RPL3L: variants seen among roughly 807,000 people sequenced by gnomAD.
RPL3L encodes ribosomal protein L3 like, also known as ribosomal protein uL3-like.
RPL3L carries 44 observed loss-of-function variants against 44.5 expected under a neutral mutation model. That is an observed-to-expected ratio of 0.99 (90% CI 0.78 to 1.27). The LOEUF is 1.27. Ranked by LOEUF, RPL3L falls within the 50% of genes most tolerant of loss-of-function variation. RPL3L has a pLI of 0.00. For missense variants in RPL3L, 631 were observed against 569.1 expected, an observed-to-expected ratio of 1.11 and a Z score of -1.11; for synonymous variants, 292 against 230.7, an observed-to-expected ratio of 1.27 and a Z score of -2.41.
intron 4 of RPL3L, 100 bp downstream of exon 4, chr16:1,950,744 C>A: frequency 6.3e-7 from 1 of 1,586,666 alleles, no homozygotes; most frequent in Non-Finnish European, 8.6e-7. Context: ...TGTGCCGAGG[C>A]TCGGGTATTT....
Position 1,953,957 on chromosome 16 carries a change from G to A in RPL3L, c.195C>T (p.Leu65=). The A allele has an allele frequency of 1.3e-6, 2 of 1,518,348 alleles. No homozygotes were observed. Among genetic ancestry groups the A allele is most frequent in the Non-Finnish European group, 1.8e-6 (2 of 1,127,060 alleles). 94.1% of individuals were successfully genotyped at this position (1,518,348 alleles called of 1,614,324 possible). A position where few individuals can be genotyped will look rare whatever the true frequency, so the allele number is the denominator to read the frequency against. The change falls in exon 2 of 10, where the codon CTC becomes CTT. Residue 65 remains leucine (L), a splice_region_variant and synonymous_variant. Transcript: ENST00000268661. ...CCAAGGGTCCCAACTGTGACTCACT[G>A]AGCCCCGGCCGGTGCACCTCCCGCA... is the stretch of plus-strand genomic sequence containing the variant. ...HTLREVHRPG[L]KISKREEVEA...
rs898002881 is a variant in RPL3L at position 1,946,552 on chromosome 16, C to G, written c.951+73G>C. 56 of 1,498,784 alleles carry G rather than the reference C, an allele frequency of 3.7e-5. No individual in the cohort carries two copies. In the African/African-American group the frequency reaches 6.9e-4, roughly 18 times the overall value. 92.8% of individuals were successfully genotyped at this position (1,498,784 alleles called of 1,614,324 possible). A position where few individuals can be genotyped will look rare whatever the true frequency, so the allele number is the denominator to read the frequency against. On this transcript the variant is annotated intron_variant, in intron 7 of 9. Transcript: ENST00000268661. ...CCCCCTACATGTATACCAGGCCCCC[C>G]GGCCAGCCTGACCCCACTCCAGCCA... is the stretch of plus-strand genomic sequence containing the variant.
chr16:1,944,791 G>A lies in RPL3L; in HGVS notation c.*46C>T, dbSNP rs375430746. 1.2e-6 allele frequency: 2 copies of A among 1,612,674 alleles called. No homozygotes were observed. Among genetic ancestry groups the A allele is most frequent in the Non-Finnish European group, 1.7e-6 (2 of 1,178,916 alleles). ...CGCCTCCGGCCTTTGTTAGACATTGGGGCAGACAGTGCGGTGCGCTTCAGG... is the reference window on the plus strand; with the variant it reads ...CGCCTCCGGCCTTTGTTAGACATTGAGGCAGACAGTGCGGTGCGCTTCAGG... On this transcript the variant is annotated 3_prime_UTR_variant, in exon 10 of 10. Coordinates refer to ENST00000268661, the MANE Select transcript of RPL3L (RefSeq NM_005061.3).
chr16:1,952,710 AACAC>A (rs142507470), intron 3 of RPL3L, among the ~76,000 whole-genome samples, 160 bp downstream of exon 3: 9 of 150,688 alleles, frequency 6.0e-5, no homozygotes, highest in East Asian at 1.9e-4. Flanking sequence ...GCAACCACAC[AACAC>A]ACACACACAC....
chr16:1,953,846 G>T, intron 2 of RPL3L, 110 bp downstream of exon 2: 1 of 1,144,864 alleles, frequency 8.7e-7, no homozygotes, highest in South Asian at 2.5e-5. Context: ...GGCGAGGCCT[G>T]GTGCTCCCTG....
chr16:1,945,731 C>T, intron 8 of RPL3L, 104 bp downstream of exon 8: 1 of 1,602,774 alleles, frequency 6.2e-7, no homozygotes, highest in Non-Finnish European at 8.5e-7. Context: ...CCAGAGCCCT[C>T]CCCTTCTGCT....
rs574710501 is a variant in RPL3L, at chr16:1,948,293, G to A, written c.502-913C>T. Among the ~76,000 whole-genome samples the A allele has an allele frequency of 6.8e-4, 103 of 151,980 alleles. 1 individual carries two copies. Among genetic ancestry groups the A allele is most frequent in the Non-Finnish European group, 1.0e-3 (69 of 67,956 alleles). On this transcript the variant is annotated intron_variant, in intron 4 of 9. Transcript: ENST00000268661. ...GACTGGAGTACAGTGGGGCGATCTC[G>A]GCTCACTGCAACCTCTGCCTCCCTG...
chr16:1,948,967 T>C (rs1242448727), intron 4 of RPL3L, among the ~76,000 whole-genome samples: 1 of 150,302 alleles, frequency 6.7e-6, no homozygotes, highest in African/African-American at 2.4e-5. Flanking sequence ...TGCCTCGGCC[T>C]CCCAAAGTGC....
At chr16:1,948,677 G>A (rs559869346) in intron 4 of RPL3L, among the ~76,000 whole-genome samples, 3 of 151,426 alleles carry the variant, frequency 2.0e-5, no homozygotes, top group East Asian at 3.9e-4. Flanking sequence ...TGGGATGACA[G>A]GCACTCACCA....
chr16:1,946,701 T>TGCGG lies in RPL3L; in HGVS notation c.871_874dup (p.His292ProfsTer74). 6.2e-7 allele frequency: 1 copy of TGCGG among 1,612,612 alleles called. No individual in the cohort carries two copies. The highest frequency in any genetic ancestry group is 8.5e-7 in the Non-Finnish European group (1 of 1,179,952). On this transcript the variant is annotated frameshift_variant, in exon 7 of 10. Transcript: ENST00000268661. LOFTEE classifies it high-confidence loss of function. The stretch of plus-strand genomic sequence containing the variant: ...CTTCACCAGCTTCCCGTCCTCCATG[T>TGCGG]GCGGGCCCCTGCCGATGCGGAAGAT...
At chr16:1,946,870 C>A in intron 6 of RPL3L, 68 bp downstream of exon 6, 1 of 1,562,006 alleles carries the variant, frequency 6.4e-7, no homozygotes, top group Non-Finnish European at 8.7e-7. Context: ...GCACCCCACC[C>A]ACTGAGGCCA....
At chr16:1,952,100 C>T (rs1033701609) in intron 3 of RPL3L, among the ~76,000 whole-genome samples, 3 of 151,808 alleles carry the variant, frequency 2.0e-5, no homozygotes, top group African/African-American at 7.3e-5. Context: ...AGGTGTCTGC[C>T]ACCACGCCCA....
Position 1,952,940 on chromosome 16 carries a change from C to G in RPL3L, c.299G>C (p.Arg100Pro). The change falls in exon 3 of 10, where the codon CGG becomes CCG. Residue 100 changes from arginine (R) to proline (P), a missense_variant. Transcript: ENST00000268661. ...VGYVATPRGL[R>P]SFKTIFAEHL... ...TTCTGCAAAGATGGTCTTGAAGCTCCGGAGACCTCGAGGGGTGGCCACGTA... is the reference window on the plus strand; with the variant it reads ...TTCTGCAAAGATGGTCTTGAAGCTCGGGAGACCTCGAGGGGTGGCCACGTA... 2 of 1,613,984 alleles carry G rather than the reference C, an allele frequency of 1.2e-6. No individual in the cohort carries two copies. Among genetic ancestry groups the G allele is most frequent in the Non-Finnish European group, 1.7e-6 (2 of 1,180,000 alleles).
chr16:1,947,481 C>T, intron 4 of RPL3L, 101 bp from the exon 5 acceptor site: 1 of 1,321,010 alleles, frequency 7.6e-7, no homozygotes, highest in South Asian at 1.5e-5. Context: ...TCCACGCATG[C>T]ATTCATTCAC....
Position 1,946,645 on chromosome 16 carries a change from C to T in RPL3L, c.931G>A (p.Ala311Thr). 2 of 1,612,632 alleles carry T rather than the reference C, an allele frequency of 1.2e-6. No individual in the cohort carries two copies. The highest frequency in any genetic ancestry group is 8.5e-7 in the Non-Finnish European group (1 of 1,179,786). The change falls in exon 7 of 10, where the codon GCC becomes ACC. Residue 311 changes from alanine (A) to threonine (T), a missense_variant. Physicochemically the swap from Ala to Thr is moderately conservative, Grantham distance 58 (BLOSUM62 0). Transcript: ENST00000268661. ...CTCACCAGCGGTGTGATGGACTTGG[C>T]AGTCACGTCGTAGCTGGTGGATGCA... The part of the protein sequence containing the change: ...NNASTSYDVT[A>T]KSITPLGGFP...
Position 1,948,579 on chromosome 16 carries a change from G to C in RPL3L, c.502-1199C>G, listed in dbSNP as rs555009848. On this transcript the variant is annotated intron_variant, in intron 4 of 9. Transcript: ENST00000268661. Reference sequence around the variant, plus strand: ...AGACAGGGTCTCGCTCTGTCACCCAGGCTGGAGTGCAGTGGCATGATCAAG... The same window carrying C: ...AGACAGGGTCTCGCTCTGTCACCCACGCTGGAGTGCAGTGGCATGATCAAG... 7.2e-5 allele frequency among the ~76,000 whole-genome samples: 11 copies of C among 152,138 alleles called. 1 individual carries two copies. Among genetic ancestry groups the C allele is most frequent in the Admixed American group, 6.6e-4 (10 of 15,264 alleles).
chr16:1,950,789 G>C (rs2083166585), intron 4 of RPL3L, 55 bp downstream of exon 4: 2 of 1,611,828 alleles, frequency 1.2e-6, no homozygotes, highest in South Asian at 2.2e-5. Flanking sequence ...CTGGAAGCTG[G>C]GGTGAGGGAG....
In RPL3L at chr16:1,949,259, CTTTTTTT is replaced by C. The variant is rs58248501; in HGVS notation, c.501+1578_501+1584del. Among the ~76,000 whole-genome samples, 27 of 75,256 alleles carry C rather than the reference CTTTTTTT, an allele frequency of 3.6e-4. 1 individual carries two copies. The highest frequency in any genetic ancestry group is 2.1e-3 in the Admixed American group (13 of 6,096). 49.4% of individuals were successfully genotyped at this position (75,256 alleles called of 152,430 possible). A position where few individuals can be genotyped will look rare whatever the true frequency, so the allele number is the denominator to read the frequency against. On this transcript the variant is annotated intron_variant, in intron 4 of 9. Transcript: ENST00000268661. ...CCTGATTTTTGTTTTTTTTTTTTTT[CTTTTTTT>C]TTTTTTTTTTTTTTTGAGACTCTAT...
At chr16:1,945,123 A>C (rs1002045275) in intron 9 of RPL3L, among the ~76,000 whole-genome samples, 2 of 151,914 alleles carry the variant, frequency 1.3e-5, no homozygotes, top group African/African-American at 4.8e-5. Context: ...TGGGAGGCCG[A>C]GGCGGTCGGA....
Sources: allele counts gnomAD v4.1 joint callset (sites outside exome capture counted in the v4.1 genomes callset), GRCh38; gene constraint gnomAD v4.1.1; transcripts MANE v1.5; gene names NCBI Gene and HGNC (gene_info 2026-07-23, HGNC 2026-07-21).